Variants in CEP112 observed in about 807,000 individuals in gnomAD.
CEP112 encodes the protein centrosomal protein of 112 kDa.
Under a neutral mutation model 153.0 loss-of-function variants are expected in CEP112, and 127 were observed. That is an observed-to-expected ratio of 0.83 (90% CI 0.72 to 0.96). The LOEUF (loss-of-function observed/expected upper bound fraction) is 0.96. CEP112 is among the 40% of genes least tolerant of loss of function. The probability of loss-of-function intolerance (pLI) is 0.00; values close to 1 mark genes in which losing one functional copy is unlikely to be tolerated. For synonymous variants in CEP112, 358 were observed against 374.4 expected, an observed-to-expected ratio of 0.96 and a Z score of 0.51; for missense variants, 1,089 against 1,101.2, an observed-to-expected ratio of 0.99 and a Z score of 0.16.
At chr17:66,011,399 T>A (rs189979199) in intron 16 of CEP112, among the ~76,000 whole-genome samples, 1 of 152,168 alleles carries the variant, frequency 6.6e-6, no homozygotes, top group Non-Finnish European at 1.5e-5. Context: ...CTTTGCTATA[T>A]CCCAGAGATT....
chr17:66,134,567 G>A (rs1384284059), intron 4 of CEP112, among the ~76,000 whole-genome samples: 1 of 152,188 alleles, frequency 6.6e-6, no homozygotes, highest in African/African-American at 2.4e-5. Context: ...GCCAGGTGCA[G>A]TAGCTCACAA....
At chr17:65,886,961 G>C (rs2059301823) in intron 20 of CEP112, among the ~76,000 whole-genome samples, 1 of 152,114 alleles carries the variant, frequency 6.6e-6, no homozygotes, top group Non-Finnish European at 1.5e-5. Context: ...CTAAGATTTG[G>C]GGGAGGGACT....
At chr17:66,145,374 G>A (rs1368216884) in intron 4 of CEP112, among the ~76,000 whole-genome samples, 1 of 151,990 alleles carries the variant, frequency 6.6e-6, no homozygotes, top group East Asian at 1.9e-4. Context: ...TTTAAAAAAA[G>A]GTTTAGATAG....
chr17:66,127,386 C>T (rs974923592), intron 6 of CEP112, among the ~76,000 whole-genome samples: 13 of 152,304 alleles, frequency 8.5e-5, no homozygotes, highest in Admixed American at 7.8e-4. Context: ...TTCCTGTGCT[C>T]TTCTCCCACA....
intron 23 of CEP112, among the ~76,000 whole-genome samples, chr17:65,701,898 G>GTTT (rs869242758): frequency 4.0e-4 from 46 of 116,046 alleles, no homozygotes; most frequent in East Asian, 5.1e-4. Context: ...TTTTTTTTTT[G>GTTT]TTTTTTTTTT....
At chr17:65,775,047 G>A (rs918498979) in intron 21 of CEP112, among the ~76,000 whole-genome samples, 7 of 152,112 alleles carry the variant, frequency 4.6e-5, no homozygotes, top group African/African-American at 1.7e-4. Flanking sequence ...TGGCGAGTGG[G>A]CGGGAACATG....
At chr17:66,080,964 A>G (rs1343147079) in intron 8 of CEP112, among the ~76,000 whole-genome samples, 3 of 152,128 alleles carry the variant, frequency 2.0e-5, no homozygotes, top group Non-Finnish European at 4.4e-5. Flanking sequence ...TTGAACAATG[A>G]GAACACATGG....
At chr17:65,993,400 A>G (rs1335381777) in intron 17 of CEP112, among the ~76,000 whole-genome samples, 1 of 152,184 alleles carries the variant, frequency 6.6e-6, no homozygotes, top group Non-Finnish European at 1.5e-5. Context: ...TGCAATGAAC[A>G]TATGTATGCA....
intron 21 of CEP112, among the ~76,000 whole-genome samples, chr17:65,786,410 C>T (rs1322285536): frequency 1.3e-5 from 2 of 151,474 alleles, no homozygotes; most frequent in African/African-American, 4.9e-5. Context: ...CTTTTCTTTT[C>T]TTGCCAGACT....
chr17:66,151,716 G>A (rs574740338), intron 4 of CEP112, among the ~76,000 whole-genome samples: 16 of 152,142 alleles, frequency 1.1e-4, no homozygotes, highest in African/African-American at 3.4e-4. Context: ...AAAGACTGAC[G>A]CCCTCAGAGC....
At chr17:65,644,428 G>T in intron 24 of CEP112, 3 of 485,278 alleles carry the variant, frequency 6.2e-6, no homozygotes, top group East Asian at 5.0e-5. Flanking sequence ...GGCTTAGCTC[G>T]GTTGCATTTA....
At chr17:65,938,699 A>T (rs1395653405) in intron 18 of CEP112, among the ~76,000 whole-genome samples, 1 of 152,214 alleles carries the variant, frequency 6.6e-6, no homozygotes, top group Non-Finnish European at 1.5e-5. Flanking sequence ...GAAAACCCTA[A>T]GGATTCCACA....
At chr17:65,918,247 G>T (rs997652) in intron 19 of CEP112, among the ~76,000 whole-genome samples, 62,350 of 151,274 alleles carry the variant, frequency 0.41, 13,290 homozygotes, top group South Asian at 0.65. Flanking sequence ...ACCTAGCTAA[G>T]TAATGACTAG....
intron 6 of CEP112, among the ~76,000 whole-genome samples, chr17:66,128,481 A>T (rs1466622763): frequency 6.6e-6 from 1 of 152,146 alleles, no homozygotes. Flanking sequence ...GAAGTTTTTA[A>T]GTTTTTTGAA....
chr17:65,873,963 C>G (rs777226493), intron 20 of CEP112, among the ~76,000 whole-genome samples: 1 of 152,106 alleles, frequency 6.6e-6, no homozygotes, highest in Non-Finnish European at 1.5e-5. Flanking sequence ...AAAGTAGATG[C>G]TGTTGATTAA....
At position 65,743,035 on chromosome 17, in the gene CEP112, T is replaced by A. The variant is rs529442162; in HGVS notation, c.2607+33A>T. 12 of 1,560,232 alleles carry A rather than the reference T, an allele frequency of 7.7e-6. 1 individual carries two copies. The South Asian group carries it at 1.3e-4, about 17-fold the overall frequency. On this transcript the variant is annotated intron_variant, in intron 23 of 26. Coordinates refer to ENST00000535342, the MANE Select transcript of CEP112 (RefSeq NM_001199165.4). ...CTCCTTTTAATTACATTAAAGCAGC[T>A]GGTACCACTGGTTACTGAAGTCTTC... is the stretch of plus-strand genomic sequence containing the variant.
chr17:65,658,586 T>A (rs951951356), intron 24 of CEP112, among the ~76,000 whole-genome samples: 1 of 151,946 alleles, frequency 6.6e-6, no homozygotes, highest in African/African-American at 2.4e-5. Context: ...ATTTACTTAG[T>A]TTGAGGAGCA....
At chr17:65,646,757 G>A (rs1448686666) in intron 24 of CEP112, among the ~76,000 whole-genome samples, 2 of 152,204 alleles carry the variant, frequency 1.3e-5, no homozygotes, top group Non-Finnish European at 2.9e-5. Flanking sequence ...GAGACACGTG[G>A]GTTAGAGGAG....
chr17:65,641,070 AT>A lies in CEP112; in HGVS notation c.2698-6del. 1.3e-6 allele frequency: 2 copies of A among 1,493,902 alleles called. No individual in the cohort carries two copies. Among genetic ancestry groups the A allele is most frequent in the Non-Finnish European group, 9.3e-7 (1 of 1,071,438 alleles). 92.5% of individuals were successfully genotyped at this position (1,493,902 alleles called of 1,614,324 possible). On this transcript the variant is annotated splice_polypyrimidine_tract_variant and splice_region_variant and intron_variant, in intron 24 of 26. Transcript: ENST00000535342. ...TTCTTGTCGTATGTAAGTTATCTAA[AT>A]TGGAAAAAAATTAAGAGTTATCTTT...
Sources: gnomAD v4.1 joint callset for allele counts (sites outside exome capture counted in the v4.1 genomes callset) on GRCh38, gnomAD v4.1.1 for gene constraint, MANE v1.5 for transcripts, NCBI Gene and HGNC (gene_info 2026-07-23, HGNC 2026-07-21) for gene names.